ZNF234: variants seen among roughly 807,000 people sequenced by gnomAD.
ZNF234 encodes the protein C2-H2 type zinc finger protein.
In ZNF234, 4 loss-of-function variants were observed where a neutral mutation model predicts 10.3. That is an observed-to-expected ratio of 0.39 (90% confidence interval 0.19 to 0.89). The LOEUF is 0.89. ZNF234 is among the 40% of genes least tolerant of loss of function. ZNF234 has a pLI of 0.38. For missense variants in ZNF234, 711 were observed against 836.1 expected, an observed-to-expected ratio of 0.85 and a Z score of 1.85; for synonymous variants, 258 against 280.1, an observed-to-expected ratio of 0.92 and a Z score of 0.79.
Position 44,144,107 on chromosome 19 carries a change from ATTTAG to A in ZNF234, c.-76-444_-76-440del, listed in dbSNP as rs146262628. On this transcript the variant is annotated intron_variant, in intron 2 of 5. Coordinates refer to ENST00000426739, the MANE Select transcript of ZNF234 (RefSeq NM_006630.3). ...GCTGAGTGTAGTAATCATCATCATC[ATTTAG>A]TTTAGATCATTTTCATCCCCCAATT... Among the ~76,000 whole-genome samples, 1,152 of 152,248 alleles carry A rather than the reference ATTTAG, an allele frequency of 7.6e-3. 14 individuals carry two copies. The highest frequency in any genetic ancestry group is 0.026 in the African/African-American group (1,078 of 41,522).
Position 44,157,379 on chromosome 19 carries a change from C to A in ZNF234, c.1363C>A (p.Pro455Thr). ...TCTGAAAGCACATAGTGTACAGAAACCTTTTAAGTGTGAAGAGTGTGGGCA... is the reference window on the plus strand; with the variant it reads ...TCTGAAAGCACATAGTGTACAGAAAACTTTTAAGTGTGAAGAGTGTGGGCA... ...IHLKAHSVQK[P>T]FKCEECGQGF... The change falls in exon 6 of 6, where the codon CCT (proline) becomes ACT (threonine). Residue 455 changes from proline (P) to threonine (T), a missense_variant. Transcript: ENST00000426739. 1 of 1,613,978 alleles carries A rather than the reference C, an allele frequency of 6.2e-7. No individual in the cohort carries two copies. Among genetic ancestry groups the A allele is most frequent in the Non-Finnish European group, 8.5e-7 (1 of 1,179,898 alleles).
In ZNF234 at chr19:44,157,659, G is replaced by A. The variant is rs780755871; in HGVS notation, c.1643G>A (p.Ser548Asn). 1.9e-6 allele frequency: 3 copies of A among 1,613,968 alleles called. No individual in the cohort carries two copies. The highest frequency in any genetic ancestry group is 1.7e-6 in the Non-Finnish European group (2 of 1,180,000). Reference sequence around the variant, plus strand: ...TTTAAATGTGAAGAGTGTGGGAAGAGCTTCAGTCGGAGTGCACACCTTCAA... The same window carrying A: ...TTTAAATGTGAAGAGTGTGGGAAGAACTTCAGTCGGAGTGCACACCTTCAA... ...KPFKCEECGKSFSRSAHLQAH... is the reference protein window; with the variant it reads ...KPFKCEECGKNFSRSAHLQAH... Residue 548 changes from serine to asparagine, a missense_variant, in exon 6 of 6, where the codon AGC becomes AAC. Physicochemically the swap from Ser to Asn is conservative, Grantham distance 46. Coordinates refer to ENST00000426739, the MANE Select transcript of ZNF234 (RefSeq NM_006630.3).
In ZNF234 at chr19:44,148,773, G is replaced by T; in HGVS notation, c.18G>T (p.Glu6Asp). Residue 6 changes from glutamate to aspartate, a missense_variant and splice_region_variant, in exon 4 of 6, where the codon GAG becomes GAT. Transcript: ENST00000426739. ...GTAAGGTGTGTTTGATGTTATAGGA[G>T]GGACTGACCTTCAAGGATGTGGCTG... The part of the protein sequence containing the change: MTTFK[E>D]GLTFKDVAVV... 1 of 1,613,700 alleles carries T rather than the reference G, an allele frequency of 6.2e-7. No individual in the cohort carries two copies. The highest frequency in any genetic ancestry group is 8.5e-7 in the Non-Finnish European group (1 of 1,179,718).
chr19:44,160,070 C>T lies in ZNF234; in HGVS notation c.*1951C>T. 6.6e-6 allele frequency: 1 copy of T among 151,686 alleles called. No homozygotes were observed. Among genetic ancestry groups the T allele is most frequent in the East Asian group, 1.9e-4 (1 of 5,172 alleles). The allele number at this position is 151,686 out of a possible 1,614,324, so 9.4% of individuals were successfully genotyped here. On this transcript the variant is annotated 3_prime_UTR_variant, in exon 6 of 6. Coordinates refer to ENST00000426739, the MANE Select transcript of ZNF234 (RefSeq NM_006630.3). ...AAAACTTCTGAGGTAGGGGCTGTAC[C>T]ATATTTTTGCCCCACACCCATTAAG...
chr19:44,149,232 G>C (rs1968676044), intron 4 of ZNF234, among the ~76,000 whole-genome samples: 1 of 152,094 alleles, frequency 6.6e-6, no homozygotes, highest in Non-Finnish European at 1.5e-5. Context: ...CTGAGGTCGG[G>C]AGTTCGAGAC....
chr19:44,143,996 A>G (rs1968531101), intron 2 of ZNF234, among the ~76,000 whole-genome samples: 1 of 152,096 alleles, frequency 6.6e-6, no homozygotes, highest in Non-Finnish European at 1.5e-5. Flanking sequence ...TAGATTAATA[A>G]TTTTTTTCCA....
chr19:44,150,489 A>G lies in ZNF234; in HGVS notation c.219A>G (p.Gln73=), dbSNP rs1268331642. The G allele has an allele frequency of 3.8e-6, 6 of 1,581,932 alleles. No homozygotes were observed. The Admixed American group carries it at 7.3e-5, about 19-fold the overall frequency. Residue 73 remains glutamine, a synonymous_variant, in exon 5 of 6, where the codon CAA becomes CAG. Coordinates refer to ENST00000426739, the MANE Select transcript of ZNF234 (RefSeq NM_006630.3). The part of the protein sequence containing the change: ...KKLDIMKTAT[Q]RKGKSADKIQ... Reference sequence around the variant, plus strand: ...TTGATATAATGAAGACAGCAACTCAAAGAAAAGGGAAATCAGGTAAGAACC... The same window carrying G: ...TTGATATAATGAAGACAGCAACTCAGAGAAAAGGGAAATCAGGTAAGAACC...
chr19:44,148,337 C>T (rs1286089613), intron 3 of ZNF234, among the ~76,000 whole-genome samples: 3 of 152,156 alleles, frequency 2.0e-5, no homozygotes, highest in South Asian at 4.1e-4. Flanking sequence ...TTACCAAAAG[C>T]TTGTTAGTTT....
Position 44,148,694 on chromosome 19 carries a change from A to G in ZNF234, c.16-77A>G, listed in dbSNP as rs1968661003. 1.9e-6 allele frequency: 3 copies of G among 1,597,600 alleles called. No individual in the cohort carries two copies. In the South Asian group the frequency reaches 3.3e-5, roughly 18 times the overall value. On this transcript the variant is annotated intron_variant, in intron 3 of 5. Transcript: ENST00000426739. Reference sequence around the variant, plus strand: ...AAATCTGGACCAGCTCCCCCTACATACTCTCCACTTTCTCAGTGCTGTTTC... The same window carrying G: ...AAATCTGGACCAGCTCCCCCTACATGCTCTCCACTTTCTCAGTGCTGTTTC...
At chr19:44,148,699 C>T (rs138193167) in intron 3 of ZNF234, 72 bp from the exon 4 acceptor site, 1 of 1,601,586 alleles carries the variant, frequency 6.2e-7, no homozygotes, top group African/African-American at 1.3e-5. Flanking sequence ...TACATACTCT[C>T]CACTTTCTCA....
At chr19:44,148,620 G>T in intron 3 of ZNF234, 151 bp from the exon 4 acceptor site, 2 of 1,063,042 alleles carry the variant, frequency 1.9e-6, no homozygotes, top group Non-Finnish European at 2.9e-6. Flanking sequence ...GTGTGGCATT[G>T]GTAAGATGGA....
chr19:44,153,383 T>C (rs1968796533), intron 5 of ZNF234, among the ~76,000 whole-genome samples: 1 of 151,930 alleles, frequency 6.6e-6, no homozygotes, highest in African/African-American at 2.4e-5. Context: ...GAAACAAACA[T>C]TTCATGTCTG....
intron 5 of ZNF234, among the ~76,000 whole-genome samples, chr19:44,154,939 G>A (rs1305112305): frequency 6.6e-6 from 1 of 152,158 alleles, no homozygotes; most frequent in African/African-American, 2.4e-5. Context: ...ACCCTGCCAA[G>A]AGGCAGCTTT....
Position 44,157,407 on chromosome 19 carries a change from G to A in ZNF234, c.1391G>A (p.Gly464Asp), listed in dbSNP as rs776165961. ...KPFKCEECGQ[G>D]FNQSSRLQIH... ...TTTAAGTGTGAAGAGTGTGGGCAGG[G>A]CTTCAATCAGAGCTCACGACTTCAG... The change falls in exon 6 of 6, where the codon GGC becomes GAC. Residue 464 changes from glycine to aspartate, a missense_variant. By Grantham distance (94) the Gly-to-Asp change is moderately conservative (BLOSUM62 -1). Coordinates refer to ENST00000426739, the MANE Select transcript of ZNF234 (RefSeq NM_006630.3). 1 of 1,613,930 alleles carries A rather than the reference G, an allele frequency of 6.2e-7. No individual in the cohort carries two copies. The highest frequency in any genetic ancestry group is 8.5e-7 in the Non-Finnish European group (1 of 1,179,886).
In ZNF234 at chr19:44,156,765, A is replaced by G; in HGVS notation, c.749A>G (p.His250Arg). ...GFSRRSTLTVHCKLHSGEKPY... is the reference protein window; with the variant it reads ...GFSRRSTLTVRCKLHSGEKPY... ...AGTCGTAGATCAACACTTACTGTAC[A>G]TTGCAAATTACACTCAGGAGAGAAA... is the stretch of plus-strand genomic sequence containing the variant. Residue 250 changes from histidine to arginine, a missense_variant, in exon 6 of 6, where the codon CAT becomes CGT. Physicochemically the swap from His to Arg is conservative, Grantham distance 29. Coordinates refer to ENST00000426739, the MANE Select transcript of ZNF234 (RefSeq NM_006630.3). 5 of 1,613,354 alleles carry G rather than the reference A, an allele frequency of 3.1e-6. No individual in the cohort carries two copies. The highest frequency in any genetic ancestry group is 1.1e-5 in the South Asian group (1 of 91,014).
rs199503795 is a variant in ZNF234, at chr19:44,157,053, G to C, written c.1037G>C (p.Cys346Ser). Reference sequence around the variant, plus strand: ...CACACAGGAGAGAAACCTTACAAGTGTGAAGAATGTGGTAAGTGCTTTATT... The same window carrying C: ...CACACAGGAGAGAAACCTTACAAGTCTGAAGAATGTGGTAAGTGCTTTATT... ...RVHTGEKPYKCEECGKCFIQP... is the reference protein window; with the variant it reads ...RVHTGEKPYKSEECGKCFIQP... The change falls in exon 6 of 6, where the codon TGT becomes TCT. Residue 346 changes from cysteine (C) to serine (S), a missense_variant. Cys to Ser is a moderately radical substitution (Grantham distance 112). Transcript: ENST00000426739. 1.2e-6 allele frequency: 2 copies of C among 1,614,070 alleles called. No individual in the cohort carries two copies. The highest frequency in any genetic ancestry group is 2.7e-5 in the African/African-American group (2 of 74,936).
rs1354809022 is a variant in ZNF234 at position 44,159,009 on chromosome 19, G to A, written c.*890G>A. 6.6e-6 allele frequency: 1 copy of A among 152,148 alleles called. No individual in the cohort carries two copies. The highest frequency in any genetic ancestry group is 2.4e-5 in the African/African-American group (1 of 41,450). 9.4% of individuals were successfully genotyped at this position (152,148 alleles called of 1,614,324 possible). On this transcript the variant is annotated 3_prime_UTR_variant, in exon 6 of 6. Transcript: ENST00000426739. ...AAATTATTTGCAGAAATGAACATTT[G>A]TTGAAATGCAGAAAACCACTGGATA...
intron 5 of ZNF234, among the ~76,000 whole-genome samples, 153 bp downstream of exon 5, chr19:44,150,658 A>G (rs1257427547): frequency 6.6e-6 from 1 of 152,104 alleles, no homozygotes; most frequent in Non-Finnish European, 1.5e-5. Flanking sequence ...TCCACCCTCA[A>G]TAGTATAAAG....
chr19:44,148,683 TC>T, intron 3 of ZNF234, 87 bp from the exon 4 acceptor site: 4 of 1,572,882 alleles, frequency 2.5e-6, no homozygotes, highest in Non-Finnish European at 3.5e-6. Context: ...CTGGACCAGC[TC>T]CCCCTACATA....
Sources: gnomAD v4.1 joint callset for allele counts (sites outside exome capture counted in the v4.1 genomes callset) on GRCh38, gnomAD v4.1.1 for gene constraint, MANE v1.5 for transcripts, NCBI Gene and HGNC (gene_info 2026-07-23, HGNC 2026-07-21) for gene names.